Variants in PLXNB1 observed in about 807,000 individuals in gnomAD.
The protein encoded by PLXNB1 is plexin B1.
In PLXNB1, 106 loss-of-function variants were observed where a neutral mutation model predicts 209.4. The ratio of observed to expected loss-of-function variants is 0.51; its 90% CI spans 0.43 to 0.59. The LOEUF (loss-of-function observed/expected upper bound fraction) is 0.59. Ranked by LOEUF, PLXNB1 falls within the 20% of genes least tolerant of loss-of-function variation. The pLI, the probability that PLXNB1 is intolerant of heterozygous loss-of-function variation, is 0.00. For missense variants in PLXNB1, 2,357 were observed against 2,853.2 expected, an observed-to-expected ratio of 0.83 and a Z score of 3.96; for synonymous variants, 1,167 against 1,183.2, an observed-to-expected ratio of 0.99 and a Z score of 0.28.
At position 48,404,472 on chromosome 3, in the gene PLXNB1, T is replaced by C. The variant is rs751164858; in HGVS notation, c.*14A>G. ...GCCAGGCTGAAGCAACAGCAGGCCG[T>C]GGCTCCTGGGTTCCTATAGATCTGT... On this transcript the variant is annotated 3_prime_UTR_variant, in exon 38 of 38. Transcript: ENST00000296440. The C allele has an allele frequency of 6.3e-7, 1 of 1,580,398 alleles. No homozygotes were observed. Among genetic ancestry groups the C allele is most frequent in the South Asian group, 1.1e-5 (1 of 89,778 alleles).
Position 48,411,931 on chromosome 3 carries a change from T to A in PLXNB1, c.5179A>T (p.Thr1727Ser), listed in dbSNP as rs538732324. Reference sequence around the variant, plus strand: ...TTCAAGGTGTATTTGGCCTTGCCTGTCACACTGTCCACTGGCCCCTTATCC... The same window carrying A: ...TTCAAGGTGTATTTGGCCTTGCCTGACACACTGTCCACTGGCCCCTTATCC... ...QVDKGPVDSVTGKAKYTLNDN... is the reference protein window; with the variant it reads ...QVDKGPVDSVSGKAKYTLNDN... The change falls in exon 28 of 38, where the codon ACA (threonine) becomes TCA (serine). Residue 1727 changes from threonine (T) to serine (S), a missense_variant. This residue lies in a region of PLXNB1 where 65 missense variants were observed against 127.6 expected (regional missense o/e 0.51). Coordinates refer to ENST00000296440, the MANE Select transcript of PLXNB1 (RefSeq NM_001130082.3). This position sits in a 1 kb window ranked among gnomAD's most constrained non-coding sequence, Gnocchi z 4.0. The A allele has an allele frequency of 6.2e-7, 1 of 1,614,188 alleles. No individual in the cohort carries two copies. The highest frequency in any genetic ancestry group is 1.3e-5 in the African/African-American group (1 of 75,054).
At position 48,406,763 on chromosome 3, in the gene PLXNB1, G is replaced by C; in HGVS notation, c.6228+60C>G. 6.4e-7 allele frequency: 1 copy of C among 1,550,550 alleles called. No individual in the cohort carries two copies. Among genetic ancestry groups the C allele is most frequent in the South Asian group, 1.2e-5 (1 of 83,344 alleles). On this transcript the variant is annotated intron_variant, in intron 36 of 37. Transcript: ENST00000296440. This position sits in a 1 kb window ranked among gnomAD's most constrained non-coding sequence, Gnocchi z 4.4. ...TCCCTGCAAAGGGGCAGTGTGAAGG[G>C]GGAAGGACCGTTGTGGCAGGAGGCC...
At position 48,420,860 on chromosome 3, in the gene PLXNB1, C is replaced by T. The variant is rs759237696; in HGVS notation, c.1907G>A (p.Arg636His). 13 of 1,613,624 alleles carry T rather than the reference C, an allele frequency of 8.1e-6. No homozygotes were observed. Among genetic ancestry groups the T allele is most frequent in the East Asian group, 2.2e-5 (1 of 44,884 alleles). The change falls in exon 9 of 38, where the codon CGC becomes CAC. Residue 636 changes from arginine to histidine, a missense_variant. Around this residue, in one of 7 missense-constraint regions of PLXNB1, gnomAD observed 214 missense variants for 297.1 expected, o/e 0.72. Coordinates refer to ENST00000296440, the MANE Select transcript of PLXNB1 (RefSeq NM_001130082.3). Reference protein sequence around the residue: ...FYDCVAVTELRPSAQCQACVS... With the variant: ...FYDCVAVTELHPSAQCQACVS... ...GCGAGGAACTCACTGCGCAGATGGG[C>T]GGAGTTCAGTGACCGCCACACAGTC...
Position 48,405,564 on chromosome 3 carries a change from G to A in PLXNB1, c.6303+160C>T, listed in dbSNP as rs938600690. On this transcript the variant is annotated intron_variant, in intron 37 of 37. Transcript: ENST00000296440. This position sits in a 1 kb window ranked among gnomAD's most constrained non-coding sequence, Gnocchi z 5.0. ...GAGCACAGCCAATGCCAGGAAGCCC[G>A]CCTGGAAAACACTTCTCAAGCCACC... Among the ~76,000 whole-genome samples, 8 of 152,116 alleles carry A rather than the reference G, an allele frequency of 5.3e-5. No individual in the cohort carries two copies. The highest frequency in any genetic ancestry group is 3.9e-4 in the Admixed American group (6 of 15,278).
chr3:48,414,553 G>A (rs1264377803), intron 21 of PLXNB1, among the ~76,000 whole-genome samples: 4 of 152,234 alleles, frequency 2.6e-5, no homozygotes, highest in African/African-American at 9.7e-5. Context: ...TACAAATGCA[G>A]TCATTCCAGA....
At position 48,410,871 on chromosome 3, in the gene PLXNB1, C is replaced by T. The variant is rs2037637231; in HGVS notation, c.5413G>A (p.Val1805Ile). 6.2e-7 allele frequency: 1 copy of T among 1,610,116 alleles called. No individual in the cohort carries two copies. The highest frequency in any genetic ancestry group is 8.5e-7 in the Non-Finnish European group (1 of 1,178,372). The change falls in exon 29 of 38, where the codon GTT (valine) becomes ATT (isoleucine). Residue 1805 changes from valine to isoleucine, a missense_variant. Around this residue, in one of 7 missense-constraint regions of PLXNB1, gnomAD observed 414 missense variants for 520.5 expected, o/e 0.80. Transcript: ENST00000296440. The surrounding 1 kb of genome is among the most constrained non-coding windows in gnomAD (Gnocchi z 6.4). The stretch of plus-strand genomic sequence containing the variant: ...CAGGGGCTCTCCACGCCCTCACCAA[C>T]ATCAAGGGTGCGAGGGTCTGGCCGC... ...TQRPDPRTLD[V>I]EWRSGVAGHL...
Position 48,412,253 on chromosome 3 carries a change from C to T in PLXNB1, c.5085G>A (p.Leu1695=), listed in dbSNP as rs2037734633. ...GCCCCCTCACCCTCACGAAGGTATA[C>T]AGACAGATGGACATCCAGTTGGTGA... ...KLLTNWMSIC[L]YTFVRDSVGE... The change falls in exon 27 of 38, where the codon CTG becomes CTA. Residue 1695 remains leucine (L), a synonymous_variant. Transcript: ENST00000296440. 1.2e-6 allele frequency: 2 copies of T among 1,614,120 alleles called. No homozygotes were observed. Among genetic ancestry groups the T allele is most frequent in the South Asian group, 1.1e-5 (1 of 91,082 alleles).
Position 48,405,885 on chromosome 3 carries a change from G to A in PLXNB1, c.6229-87C>T. ...GCCCAGGACCCCAGGGAAGGGCTGG[G>A]GGAGAAGGGGACCTGAGAGGTAGAG... On this transcript the variant is annotated intron_variant, in intron 36 of 37. Transcript: ENST00000296440. This position sits in a 1 kb window ranked among gnomAD's most constrained non-coding sequence, Gnocchi z 5.0. The A allele has an allele frequency of 9.9e-7, 1 of 1,014,336 alleles. No individual in the cohort carries two copies. The highest frequency in any genetic ancestry group is 2.4e-5 in the East Asian group (1 of 41,078). The allele number at this position is 1,014,336 out of a possible 1,614,324, so 62.8% of individuals were successfully genotyped here.
chr3:48,428,192 G>A (rs1280179782), intron 1 of PLXNB1, among the ~76,000 whole-genome samples: 1 of 152,126 alleles, frequency 6.6e-6, no homozygotes, highest in Non-Finnish European at 1.5e-5. Context: ...ATCCCTCCAA[G>A]CCACTTGGTC....
In PLXNB1 at chr3:48,418,757, GGGGCACATGGTCA is replaced by G. The variant is rs2038277950; in HGVS notation, c.2955+147_2955+159del. Among the ~76,000 whole-genome samples the G allele has an allele frequency of 6.6e-6, 1 of 152,122 alleles. No homozygotes were observed. The highest frequency in any genetic ancestry group is 2.1e-4 in the South Asian group (1 of 4,808). On this transcript the variant is annotated intron_variant, in intron 13 of 37. Transcript: ENST00000296440. This position sits in a 1 kb window ranked among gnomAD's most constrained non-coding sequence, Gnocchi z 6.6. Reference sequence around the variant, plus strand: ...CAGAGCTGGGATGCAAGGACTCCACGGGGCACATGGTCAGAGGTCAGAAATGGGTGTGGAGACT... The same window carrying G: ...CAGAGCTGGGATGCAAGGACTCCACGGAGGTCAGAAATGGGTGTGGAGACT...
chr3:48,419,613 G>C lies in PLXNB1; in HGVS notation c.2673C>G (p.Leu891=), dbSNP rs751151140. The change falls in exon 11 of 38, where the codon CTC becomes CTG. Residue 891 remains leucine (L), a synonymous_variant. Coordinates refer to ENST00000296440, the MANE Select transcript of PLXNB1 (RefSeq NM_001130082.3). The surrounding 1 kb of genome is among the most constrained non-coding windows in gnomAD (Gnocchi z 5.7). ...PPAPLILPSS[L]DYQYDTPGLW... is the part of the protein sequence containing the mutation. Reference sequence around the variant, plus strand: ...GCCCGGGGGTGTCATACTGGTAGTCGAGGCTGGACGGGAGGATGAGGGGGG... The same window carrying C: ...GCCCGGGGGTGTCATACTGGTAGTCCAGGCTGGACGGGAGGATGAGGGGGG... 1.1e-5 allele frequency: 17 copies of C among 1,611,896 alleles called. No individual in the cohort carries two copies. The highest frequency in any genetic ancestry group is 1.6e-4 in the Middle Eastern group (1 of 6,082).
In PLXNB1 at chr3:48,411,051, C is replaced by T. The variant is rs1362682285; in HGVS notation, c.5248-15G>A. 6.2e-7 allele frequency: 1 copy of T among 1,601,714 alleles called. No individual in the cohort carries two copies. The highest frequency in any genetic ancestry group is 8.5e-7 in the Non-Finnish European group (1 of 1,172,134). On this transcript the variant is annotated splice_polypyrimidine_tract_variant and intron_variant, in intron 28 of 37. Coordinates refer to ENST00000296440, the MANE Select transcript of PLXNB1 (RefSeq NM_001130082.3). This position sits in a 1 kb window ranked among gnomAD's most constrained non-coding sequence, Gnocchi z 4.0. ...GCATTCAAGGTCTGTGCAGGACACA[C>T]AGGAGCCATCAGGGTTCATGTGCAC...
rs370048678 is a variant in PLXNB1 at position 48,417,885 on chromosome 3, G to A, written c.3374+26C>T. ...CCGCGGAGGCCCCAGGCTGCGCCGTGCTCCTGCTGGGTGCAGCCAGCTTAC... is the reference window on the plus strand; with the variant it reads ...CCGCGGAGGCCCCAGGCTGCGCCGTACTCCTGCTGGGTGCAGCCAGCTTAC... On this transcript the variant is annotated intron_variant, in intron 16 of 37. Coordinates refer to ENST00000296440, the MANE Select transcript of PLXNB1 (RefSeq NM_001130082.3). This position sits in a 1 kb window ranked among gnomAD's most constrained non-coding sequence, Gnocchi z 4.4. 404 of 1,594,032 alleles carry A rather than the reference G, an allele frequency of 2.5e-4. No individual in the cohort carries two copies. Among genetic ancestry groups the A allele is most frequent in the Non-Finnish European group, 3.2e-4 (377 of 1,167,362 alleles).
At chr3:48,420,599 T>G in intron 10 of PLXNB1, 66 bp downstream of exon 10, 1 of 1,288,688 alleles carries the variant, frequency 7.8e-7, no homozygotes, top group South Asian at 1.2e-5. Flanking sequence ...CCCCGGGCCA[T>G]GAGAAAAACT....
rs35592743 is a variant in PLXNB1 at position 48,420,028 on chromosome 3, G to A, written c.2258C>T (p.Ser753Leu). Residue 753 changes from serine (S) to leucine (L), a missense_variant, in exon 11 of 38, where the codon TCG becomes TTG. Ser to Leu is a moderately radical substitution (Grantham distance 145). This residue lies in a region of PLXNB1 where 410 missense variants were observed against 401.0 expected (regional missense o/e 1.02). Coordinates refer to ENST00000296440, the MANE Select transcript of PLXNB1 (RefSeq NM_001130082.3). Reference protein sequence around the residue: ...GSISSPGSTGSPLHEEPSPPS... With the variant: ...GSISSPGSTGLPLHEEPSPPS... ...AGGGGAGGGCTCCTCATGGAGAGGC[G>A]ACCCTGTGGAGCCAGGGGAAGATAT... 3,970 of 1,609,040 alleles carry A rather than the reference G, an allele frequency of 2.5e-3. 84 individuals carry two copies. The African/African-American group carries it at 0.044, about 18-fold the overall frequency.
chr3:48,424,512 A>C lies in PLXNB1; in HGVS notation c.100T>G (p.Tyr34Asp). Residue 34 changes from tyrosine (Y) to aspartate (D), a missense_variant, in exon 3 of 38, where the codon TAT becomes GAT. Physicochemically the swap from Tyr to Asp is radical, Grantham distance 160. Coordinates refer to ENST00000296440, the MANE Select transcript of PLXNB1 (RefSeq NM_001130082.3). ...PPTAFTPNGT[Y>D]LQHLARDPTS... is the part of the protein sequence containing the mutation. Reference sequence around the variant, plus strand: ...GGGTCCCTTGCCAGGTGCTGCAGATACGTGCCATTGGGAGTGAATGCAGTT... The same window carrying C: ...GGGTCCCTTGCCAGGTGCTGCAGATCCGTGCCATTGGGAGTGAATGCAGTT... 6.2e-7 allele frequency: 1 copy of C among 1,601,862 alleles called. No homozygotes were observed. The highest frequency in any genetic ancestry group is 8.5e-7 in the Non-Finnish European group (1 of 1,174,342).
At chr3:48,428,651 A>G (rs1197050613) in intron 1 of PLXNB1, among the ~76,000 whole-genome samples, 4 of 152,102 alleles carry the variant, frequency 2.6e-5, no homozygotes, top group African/African-American at 7.2e-5. Context: ...GGTTCACTAC[A>G]GAGGTGAGTT....
In PLXNB1 at chr3:48,416,142, G is replaced by A. The variant is rs1190407192; in HGVS notation, c.3506C>T (p.Pro1169Leu). The A allele has an allele frequency of 7.5e-6, 12 of 1,598,672 alleles. No individual in the cohort carries two copies. The highest frequency in any genetic ancestry group is 5.4e-5 in the African/African-American group (4 of 74,562). The change falls in exon 18 of 38, where the codon CCG (proline) becomes CTG (leucine). Residue 1169 changes from proline (P) to leucine (L), a missense_variant. Physicochemically the swap from Pro to Leu is moderately conservative, Grantham distance 98 (BLOSUM62 -3). This residue lies in a region of PLXNB1 where 743 missense variants were observed against 896.2 expected (regional missense o/e 0.83). Transcript: ENST00000296440. The surrounding 1 kb of genome is among the most constrained non-coding windows in gnomAD (Gnocchi z 4.1). ...GCCCCCAGCTCTGGGGCCGCGGGCC[G>A]GGAAGATGGAATGGACCTTCGGATC... ...YQDPKVHSIF[P>L]ARGPRAGGTR...
chr3:48,412,095 TG>T, intron 27 of PLXNB1, 86 bp from the exon 28 acceptor site: 1 of 1,526,868 alleles, frequency 6.5e-7, no homozygotes, highest in Non-Finnish European at 9.0e-7. Flanking sequence ...GGACAGGACA[TG>T]GGCTTAAGGG....
Sources: allele counts gnomAD v4.1 joint callset (sites outside exome capture counted in the v4.1 genomes callset), GRCh38; gene constraint gnomAD v4.1.1; regional missense constraint gnomAD v4.1.1; non-coding constraint Gnocchi (gnomAD v3.1); transcripts MANE v1.5; gene names NCBI Gene and HGNC (gene_info 2026-07-23, HGNC 2026-07-21).